Variants in RCAN1 observed in about 807,000 individuals in gnomAD.
The protein encoded by RCAN1 is calcipressin-1.
RCAN1 carries 11 observed loss-of-function variants against 22.9 expected under a neutral mutation model. The observed-to-expected ratio is 0.48, with a 90% confidence interval of 0.30 to 0.79. RCAN1 has a LOEUF of 0.79. Among genes scored for constraint, RCAN1 ranks in the 30% least tolerant of loss-of-function variants. The probability of loss-of-function intolerance (pLI) is 0.06; values close to 1 mark genes in which losing one functional copy is unlikely to be tolerated. For missense variants in RCAN1, 291 were observed against 337.8 expected (o/e 0.86, Z 1.09); for synonymous variants, 136 against 142.3 (o/e 0.96, Z 0.32).
chr21:34,539,382 C>T (rs945611251), intron 1 of RCAN1, among the ~76,000 whole-genome samples: 6 of 152,122 alleles, frequency 3.9e-5, no homozygotes, highest in African/African-American at 1.4e-4. Context: ...TCAAGACTTG[C>T]TGTTAGGAGA....
intron 1 of RCAN1, among the ~76,000 whole-genome samples, chr21:34,605,955 C>T (rs546877148): frequency 8.2e-4 from 124 of 151,272 alleles, no homozygotes; most frequent in African/African-American, 3.0e-3. Context: ...ATGAGCAGCA[C>T]AGGCTTTAGA....
intron 3 of RCAN1, chr21:34,520,947 T>C: frequency 4.4e-6 from 2 of 451,766 alleles, no homozygotes; most frequent in South Asian, 1.9e-4. Flanking sequence ...ACTTCCTCTT[T>C]CTTTAGCAAG....
At chr21:34,585,347 A>G (rs1987752575) in intron 1 of RCAN1, among the ~76,000 whole-genome samples, 1 of 152,264 alleles carries the variant, frequency 6.6e-6, no homozygotes, top group African/African-American at 2.4e-5. Flanking sequence ...CCTTAATAAA[A>G]TAAGTCAAGG....
At chr21:34,596,952 T>C (rs1017272411) in intron 1 of RCAN1, among the ~76,000 whole-genome samples, 2 of 151,878 alleles carry the variant, frequency 1.3e-5, no homozygotes, top group African/African-American at 4.8e-5. Context: ...AGAAGGGAAA[T>C]GGGAGGGGAG....
At chr21:34,603,823 CTATAATTGATTGTAAG>C (rs1045842335) in intron 1 of RCAN1, among the ~76,000 whole-genome samples, 8 of 152,246 alleles carry the variant, frequency 5.3e-5, no homozygotes, top group South Asian at 2.1e-4. Context: ...AATAGGAGAC[CTATAATTGATTGTAAG>C]TATAATTGAT....
intron 1 of RCAN1, among the ~76,000 whole-genome samples, chr21:34,557,936 G>T (rs1356400042): frequency 6.6e-6 from 1 of 152,158 alleles, no homozygotes; most frequent in Non-Finnish European, 1.5e-5. Context: ...AAGGCTACAT[G>T]TTGTGCTTAA....
chr21:34,599,089 C>G (rs1988253716), intron 1 of RCAN1, among the ~76,000 whole-genome samples: 1 of 152,100 alleles, frequency 6.6e-6, no homozygotes, highest in South Asian at 2.1e-4. Flanking sequence ...AGCAAACTGA[C>G]AGTATCTATT....
At chr21:34,547,634 C>G (rs190406432) in intron 1 of RCAN1, among the ~76,000 whole-genome samples, 1 of 152,148 alleles carries the variant, frequency 6.6e-6, no homozygotes, top group Non-Finnish European at 1.5e-5. Flanking sequence ...GAGGAGGCCA[C>G]GAGGGCAGAG....
chr21:34,547,332 C>T (rs572276245), intron 1 of RCAN1, among the ~76,000 whole-genome samples: 2 of 152,306 alleles, frequency 1.3e-5, no homozygotes, highest in South Asian at 2.1e-4. Flanking sequence ...ACCTTTCTCC[C>T]CCTCCCTCAC....
intron 1 of RCAN1, among the ~76,000 whole-genome samples, chr21:34,595,146 T>C (rs1472288592): frequency 1.3e-5 from 2 of 152,212 alleles, no homozygotes; most frequent in Non-Finnish European, 2.9e-5. Flanking sequence ...ACAAACACTA[T>C]GGAAAACAGT....
chr21:34,580,310 T>G (rs1171449227), intron 1 of RCAN1, among the ~76,000 whole-genome samples: 3 of 152,308 alleles, frequency 2.0e-5, no homozygotes, highest in East Asian at 3.9e-4. Context: ...TCAGGCCTGA[T>G]AGTAGGCAGG....
At chr21:34,586,390 A>T (rs1476984483) in intron 1 of RCAN1, among the ~76,000 whole-genome samples, 2 of 52,760 alleles carry the variant, frequency 3.8e-5, no homozygotes, top group Non-Finnish European at 7.8e-5. Flanking sequence ...AATAACATTA[A>T]AAAAAAAACC....
Position 34,614,789 on chromosome 21 carries a change from G to T in RCAN1, c.223C>A (p.Pro75Thr), listed in dbSNP as rs773519060. 2.7e-6 allele frequency: 4 copies of T among 1,475,310 alleles called. No individual in the cohort carries two copies. The highest frequency in any genetic ancestry group is 3.6e-6 in the Non-Finnish European group (4 of 1,110,480). 91.4% of individuals were successfully genotyped at this position (1,475,310 alleles called of 1,614,324 possible). A position where few individuals can be genotyped will look rare whatever the true frequency, so the allele number is the denominator to read the frequency against. ...PSATIACHLD[P>T]RVFVDGLCRA... is the part of the protein sequence containing the mutation. ...CACAGGCCGTCCACGAACACGCGCG[G>T]GTCCAGGTGACAGGCGATGGTGGCG... The change falls in exon 1 of 4, where the codon CCG (proline) becomes ACG (threonine). Residue 75 changes from proline to threonine, a missense_variant. Coordinates refer to ENST00000313806, the MANE Select transcript of RCAN1 (RefSeq NM_004414.7). The surrounding 1 kb of genome is among the most constrained non-coding windows in gnomAD (Gnocchi z 6.0).
At chr21:34,583,650 C>T (rs1011666673) in intron 1 of RCAN1, among the ~76,000 whole-genome samples, 7 of 152,256 alleles carry the variant, frequency 4.6e-5, no homozygotes, top group South Asian at 2.1e-4. Context: ...CCAAAGCTGC[C>T]GGCACCATGA....
intron 1 of RCAN1, among the ~76,000 whole-genome samples, chr21:34,609,242 C>T (rs984796423): frequency 1.4e-4 from 22 of 152,174 alleles, no homozygotes; most frequent in Non-Finnish European, 1.5e-5. Context: ...GCAGAGTGAT[C>T]GGCTGTGTCT....
chr21:34,602,832 A>T (rs1260262929), intron 1 of RCAN1, among the ~76,000 whole-genome samples: 1 of 152,190 alleles, frequency 6.6e-6, no homozygotes, highest in Non-Finnish European at 1.5e-5. Context: ...GTATTTCTTT[A>T]TGCTGATATT....
chr21:34,614,875 C>T lies in RCAN1; in HGVS notation c.137G>A (p.Gly46Asp), dbSNP rs1988777646. Residue 46 changes from glycine (G) to aspartate (D), a missense_variant, in exon 1 of 4, where the codon GGC becomes GAC. Gly to Asp is a moderately conservative substitution (Grantham distance 94). Transcript: ENST00000313806. The surrounding 1 kb of genome is among the most constrained non-coding windows in gnomAD (Gnocchi z 6.0). ...LSGAAEADEG[G>D]GDWSFIDCEM... The stretch of plus-strand genomic sequence containing the variant: ...GCAGTCAATGAAGCTCCAGTCGCCG[C>T]CGCCCTCGTCCGCCTCGGCCGCCCC... The T allele has an allele frequency of 2.8e-6, 4 of 1,454,312 alleles. No individual in the cohort carries two copies. The highest frequency in any genetic ancestry group is 1.8e-6 in the Non-Finnish European group (2 of 1,099,200). The allele number at this position is 1,454,312 out of a possible 1,614,324, so 90.1% of individuals were successfully genotyped here.
At chr21:34,585,518 C>T (rs953073586) in intron 1 of RCAN1, among the ~76,000 whole-genome samples, 3 of 151,870 alleles carry the variant, frequency 2.0e-5, no homozygotes, top group Non-Finnish European at 4.4e-5. Context: ...CCGAGGTGGG[C>T]GGATCACAAG....
intron 1 of RCAN1, among the ~76,000 whole-genome samples, chr21:34,605,080 T>C (rs1033979668): frequency 1.3e-5 from 2 of 152,240 alleles, no homozygotes; most frequent in African/African-American, 2.4e-5. Context: ...GTATTGTTCC[T>C]GAATGTGTCT....
Sources: allele counts gnomAD v4.1 joint callset (sites outside exome capture counted in the v4.1 genomes callset), GRCh38; gene constraint gnomAD v4.1.1; non-coding constraint Gnocchi (gnomAD v3.1); transcripts MANE v1.5; gene names NCBI Gene and HGNC (gene_info 2026-07-23, HGNC 2026-07-21).